MAPKBP1: variants seen among roughly 807,000 people sequenced by gnomAD.
MAPKBP1 encodes the protein mitogen-activated protein kinase binding protein 1.
A neutral mutation model predicts 170.5 loss-of-function variants in MAPKBP1; 71 were observed. That is an observed-to-expected ratio of 0.42 (90% CI 0.34 to 0.51). MAPKBP1 has a LOEUF of 0.51. Ranked by LOEUF, MAPKBP1 falls within the 20% of genes least tolerant of loss-of-function variation. The pLI, the probability that MAPKBP1 is intolerant of heterozygous loss-of-function variation, is 0.06. For synonymous variants in MAPKBP1, 719 were observed against 757.9 expected (o/e 0.95, Z 0.84); for missense variants, 1,598 against 1,933.0 (o/e 0.83, Z 3.25).
chr15:41,777,944 T>C (rs552406709), intron 2 of MAPKBP1, among the ~76,000 whole-genome samples: 9 of 152,366 alleles, frequency 5.9e-5, no homozygotes, highest in Non-Finnish European at 1.2e-4. Context: ...TATACTGTTC[T>C]TTCTATCTAA....
At chr15:41,800,039 A>G (rs1302155417) in intron 3 of MAPKBP1, 125 bp downstream of exon 3, 1 of 809,256 alleles carries the variant, frequency 1.2e-6, no homozygotes, top group Non-Finnish European at 2.0e-6. Flanking sequence ...TTTTGTTGTC[A>G]TTTTTGTAAA....
chr15:41,798,249 CAAAA>C (rs1241108889), intron 2 of MAPKBP1, among the ~76,000 whole-genome samples: 3 of 56,954 alleles, frequency 5.3e-5, no homozygotes, highest in African/African-American at 7.2e-5. Flanking sequence ...GACTCTGTCT[CAAAA>C]AAAAAAAAAA....
rs529975493 is a variant in MAPKBP1 at position 41,816,660 on chromosome 15, A to T, written c.1585+10A>T. ...TCTAAGCCAGACACAGGTTAGGAGAATGCCCGGAATGGCACAGGGCTCCTC... is the reference window on the plus strand; with the variant it reads ...TCTAAGCCAGACACAGGTTAGGAGATTGCCCGGAATGGCACAGGGCTCCTC... On this transcript the variant is annotated intron_variant, in intron 13 of 30. Transcript: ENST00000457542. 2 of 1,611,952 alleles carry T rather than the reference A, an allele frequency of 1.2e-6. No individual in the cohort carries two copies. The highest frequency in any genetic ancestry group is 2.7e-5 in the African/African-American group (2 of 74,996).
chr15:41,796,131 A>G (rs1441958193), intron 2 of MAPKBP1, among the ~76,000 whole-genome samples: 1 of 152,190 alleles, frequency 6.6e-6, no homozygotes, highest in East Asian at 1.9e-4. Flanking sequence ...TCCATGGTGT[A>G]AGTCGTCCTG....
At position 41,821,594 on chromosome 15, in the gene MAPKBP1, C is replaced by T. The variant is rs1459667163; in HGVS notation, c.2729C>T (p.Pro910Leu). Residue 910 changes from proline (P) to leucine (L), a missense_variant, in exon 24 of 31, where the codon CCC becomes CTC. This residue lies in a region of MAPKBP1 where 942 missense variants were observed against 953.2 expected (regional missense o/e 0.99). Transcript: ENST00000457542. ...ETSLTSQNEK[P>L]PRPQASQPCS... ...TTTGTGTGTTCCCAGAATGAAAAGC[C>T]CCCTCGGCCTCAGGCTTCCCAACCT... 11 of 1,613,636 alleles carry T rather than the reference C, an allele frequency of 6.8e-6. No homozygotes were observed. The highest frequency in any genetic ancestry group is 1.3e-5 in the African/African-American group (1 of 74,848).
intron 1 of MAPKBP1, chr15:41,774,826 C>A: frequency 5.0e-6 from 2 of 401,848 alleles, no homozygotes; most frequent in Non-Finnish European, 8.8e-6. Flanking sequence ...CTGCGGAAAT[C>A]CCTGGTGGTC....
At chr15:41,804,209 C>T (rs2152075485) in intron 3 of MAPKBP1, among the ~76,000 whole-genome samples, 1 of 152,302 alleles carries the variant, frequency 6.6e-6, no homozygotes, top group East Asian at 1.9e-4. Flanking sequence ...TGAGAAGAGC[C>T]CCATTTATGG....
chr15:41,802,734 A>G (rs1019018136), intron 3 of MAPKBP1, among the ~76,000 whole-genome samples: 1 of 152,242 alleles, frequency 6.6e-6, no homozygotes, highest in African/African-American at 2.4e-5. Context: ...TTGGCCTCCC[A>G]AAGTGCTGGC....
Position 41,817,113 on chromosome 15 carries a change from T to C in MAPKBP1, c.1711+78T>C, listed in dbSNP as rs1302650837. 1.3e-6 allele frequency: 2 copies of C among 1,525,416 alleles called. No homozygotes were observed. The highest frequency in any genetic ancestry group is 2.8e-5 in the African/African-American group (2 of 72,416). The allele number at this position is 1,525,416 out of a possible 1,614,324, so 94.5% of individuals were successfully genotyped here. A position where few individuals can be genotyped will look rare whatever the true frequency, so the allele number is the denominator to read the frequency against. On this transcript the variant is annotated intron_variant, in intron 14 of 30. Coordinates refer to ENST00000457542, the MANE Select transcript of MAPKBP1 (RefSeq NM_014994.3). This position sits in a 1 kb window ranked among gnomAD's most constrained non-coding sequence, Gnocchi z 4.2. ...CTGCCTCCCACCTCCATGAGAAGGG[T>C]CTGCCCATTGTGGGGGAGTGTTGGA... is the stretch of plus-strand genomic sequence containing the variant.
At chr15:41,802,002 A>G (rs758871896) in intron 3 of MAPKBP1, among the ~76,000 whole-genome samples, 2 of 152,164 alleles carry the variant, frequency 1.3e-5, no homozygotes, top group African/African-American at 2.4e-5. Context: ...CAAACCCTAG[A>G]TGGTATAGCC....
chr15:41,813,332 C>T lies in MAPKBP1; in HGVS notation c.819+231C>T. On this transcript the variant is annotated intron_variant, in intron 8 of 30. Transcript: ENST00000457542. Reference sequence around the variant, plus strand: ...CCCTGCTTTCCTCTTCCGCTCAGAACATAGACAGCTTCACAGTAAGTGGTG... The same window carrying T: ...CCCTGCTTTCCTCTTCCGCTCAGAATATAGACAGCTTCACAGTAAGTGGTG... The T allele has an allele frequency of 6.5e-7, 1 of 1,528,486 alleles. No homozygotes were observed. Among genetic ancestry groups the T allele is most frequent in the East Asian group, 2.2e-5 (1 of 44,456 alleles). 94.7% of individuals were successfully genotyped at this position (1,528,486 alleles called of 1,614,324 possible). A position where few individuals can be genotyped will look rare whatever the true frequency, so the allele number is the denominator to read the frequency against.
intron 22 of MAPKBP1, among the ~76,000 whole-genome samples, chr15:41,820,601 C>T (rs1165624582): frequency 6.6e-6 from 1 of 152,292 alleles, no homozygotes; most frequent in South Asian, 2.1e-4. Context: ...GACTAATCTG[C>T]AGGCCACTTA....
At chr15:41,823,293 G>T in intron 28 of MAPKBP1, 71 bp downstream of exon 28, 1 of 1,565,642 alleles carries the variant, frequency 6.4e-7, no homozygotes. Context: ...GGAGGAGGGA[G>T]GGCCTGGTGT....
At chr15:41,825,181 C>A (rs1405305720) in intron 30 of MAPKBP1, 28 bp from the exon 31 acceptor site, 7 of 1,546,664 alleles carry the variant, frequency 4.5e-6, no homozygotes, top group Non-Finnish European at 6.1e-6. Context: ...CAGGCTCCTC[C>A]ACCTCACTTC....
intron 3 of MAPKBP1, among the ~76,000 whole-genome samples, chr15:41,802,993 T>C (rs2064624468): frequency 6.6e-6 from 1 of 152,120 alleles, no homozygotes; most frequent in African/African-American, 2.4e-5. Context: ...TTGACCAAAA[T>C]GTTATTATGT....
In MAPKBP1 at chr15:41,801,683, A is replaced by G. The variant is rs1337949318; in HGVS notation, c.206+1769A>G. Among the ~76,000 whole-genome samples, 3 of 152,164 alleles carry G rather than the reference A, an allele frequency of 2.0e-5. No homozygotes were observed. In the East Asian group the frequency reaches 5.8e-4, roughly 29 times the overall value. On this transcript the variant is annotated intron_variant, in intron 3 of 30. Transcript: ENST00000457542. ...GCCAACATGTTGAAACCCTGTCTCT[A>G]CTAAAAACATAAAAAAATTTGCTGG...
intron 4 of MAPKBP1, 43 bp downstream of exon 4, chr15:41,810,988 GC>G (rs1321597610): frequency 1.2e-6 from 2 of 1,608,870 alleles, no homozygotes; most frequent in Non-Finnish European, 1.7e-6. Flanking sequence ...CCTTCTGGGA[GC>G]TATGAGAAGG....
chr15:41,824,626 T>G (rs1166884507), intron 30 of MAPKBP1, 57 bp downstream of exon 30: 2 of 1,473,472 alleles, frequency 1.4e-6, no homozygotes, highest in East Asian at 4.9e-5. Context: ...GCTGGGTGTT[T>G]CGGATAACCA....
chr15:41,818,657 T>A lies in MAPKBP1; in HGVS notation c.2156+75T>A. The A allele has an allele frequency of 6.6e-7, 1 of 1,518,000 alleles. No individual in the cohort carries two copies. Among genetic ancestry groups the A allele is most frequent in the Non-Finnish European group, 9.0e-7 (1 of 1,110,362 alleles). The allele number at this position is 1,518,000 out of a possible 1,614,324, so 94.0% of individuals were successfully genotyped here. A position where few individuals can be genotyped will look rare whatever the true frequency, so the allele number is the denominator to read the frequency against. ...CACCCTGCCCTCCCCTCTCTCCATTTCAGTGATGTCTCTGGGAAGTGGGGT... is the reference window on the plus strand; with the variant it reads ...CACCCTGCCCTCCCCTCTCTCCATTACAGTGATGTCTCTGGGAAGTGGGGT... On this transcript the variant is annotated intron_variant, in intron 19 of 30. Transcript: ENST00000457542. The surrounding 1 kb of genome is among the most constrained non-coding windows in gnomAD (Gnocchi z 5.2).
Sources: allele counts gnomAD v4.1 joint callset (sites outside exome capture counted in the v4.1 genomes callset), GRCh38; gene constraint gnomAD v4.1.1; regional missense constraint gnomAD v4.1.1; non-coding constraint Gnocchi (gnomAD v3.1); transcripts MANE v1.5; gene names NCBI Gene and HGNC (gene_info 2026-07-23, HGNC 2026-07-21).